The following UPF2 variants were observed in gnomAD, a reference collection of about 807,000 sequenced individuals.
The protein encoded by UPF2 is UPF2 regulator of nonsense mediated mRNA decay.
In UPF2, 17 loss-of-function variants were observed where a neutral mutation model predicts 141.4. The observed-to-expected ratio is 0.12, with a 90% CI of 0.08 to 0.18. The LOEUF is 0.18. Ranked by LOEUF, UPF2 falls within the 10% of genes least tolerant of loss-of-function variation. UPF2 has a pLI of 1.00. For synonymous variants in UPF2, 540 were observed against 498.0 expected, an observed-to-expected ratio of 1.08 and a Z score of -1.12; for missense variants, 1,152 against 1,515.9, an observed-to-expected ratio of 0.76 and a Z score of 3.99.
chr10:11,958,594 A>AAGTGTAG (rs1443366248), intron 12 of UPF2, among the ~76,000 whole-genome samples: 7 of 152,216 alleles, frequency 4.6e-5, no homozygotes, highest in Non-Finnish European at 7.3e-5. Context: ...ATTATATGTC[A>AAGTGTAG]AGTGTAGAGT....
At chr10:11,941,564 TAA>T (rs80026377) in intron 18 of UPF2, among the ~76,000 whole-genome samples, 5 of 146,352 alleles carry the variant, frequency 3.4e-5, no homozygotes, top group African/African-American at 1.0e-4. Flanking sequence ...CTTCTACCTT[TAA>T]AAAAAAAAAC....
intron 9 of UPF2, among the ~76,000 whole-genome samples, chr10:11,970,918 G>T (rs1157713124): frequency 1.3e-5 from 2 of 151,960 alleles, no homozygotes; most frequent in Non-Finnish European, 2.9e-5. Context: ...AATCTCCTTG[G>T]ATGACGTTGG....
At chr10:11,996,260 G>A (rs1833862674) in intron 8 of UPF2, among the ~76,000 whole-genome samples, 1 of 151,804 alleles carries the variant, frequency 6.6e-6, no homozygotes, top group Non-Finnish European at 1.5e-5. Context: ...TTTATATACT[G>A]CAAGTATATA....
chr10:12,029,137 C>T lies in UPF2; in HGVS notation c.753G>A (p.Arg251=). The T allele has an allele frequency of 5.6e-6, 9 of 1,614,232 alleles. No individual in the cohort carries two copies. The highest frequency in any genetic ancestry group is 7.6e-6 in the Non-Finnish European group (9 of 1,180,048). The part of the protein sequence containing the change: ...LQVWKKHFEA[R]KEEKTPNITK... The stretch of plus-strand genomic sequence containing the variant: ...TGATGTTAGGTGTTTTCTCCTCTTT[C>T]CTTGCTTCAAAATGTTTTTTCCAGA... Residue 251 remains arginine, a synonymous_variant, in exon 3 of 22, where the codon AGG becomes AGA. Transcript: ENST00000357604.
chr10:12,041,797 G>A (rs1374236865), intron 1 of UPF2, among the ~76,000 whole-genome samples: 1 of 152,166 alleles, frequency 6.6e-6, no homozygotes, highest in Non-Finnish European at 1.5e-5. Flanking sequence ...GGAGACTGAC[G>A]ATGTTAAGGA....
At chr10:11,967,243 T>C in intron 10 of UPF2, 98 bp downstream of exon 10, 2 of 724,240 alleles carry the variant, frequency 2.8e-6, no homozygotes, top group Non-Finnish European at 4.1e-6. Flanking sequence ...GGTCTTCTTT[T>C]GGATTAATCA....
chr10:12,002,130 G>T (rs1428762974), intron 5 of UPF2, among the ~76,000 whole-genome samples: 1 of 152,070 alleles, frequency 6.6e-6, no homozygotes, highest in Non-Finnish European at 1.5e-5. Flanking sequence ...AATTAACTGG[G>T]CATGGTGGCA....
chr10:11,953,411 T>C lies in UPF2; in HGVS notation c.2851-1162A>G, dbSNP rs573565684. Among the ~76,000 whole-genome samples the C allele has an allele frequency of 1.3e-5, 2 of 152,316 alleles. No homozygotes were observed. The highest frequency in any genetic ancestry group is 2.1e-4 in the South Asian group (1 of 4,826). ...GGATCCTTTCTTCCTGACCTTCTAA[T>C]ACTAAACTGTACACTCCATGTTCTG... On this transcript the variant is annotated intron_variant, in intron 14 of 21. Coordinates refer to ENST00000357604, the MANE Select transcript of UPF2 (RefSeq NM_015542.4). The surrounding 1 kb of genome is among the most constrained non-coding windows in gnomAD (Gnocchi z 5.0).
At chr10:11,934,971 G>A (rs139948681) in intron 19 of UPF2, among the ~76,000 whole-genome samples, 25 of 151,958 alleles carry the variant, frequency 1.6e-4, no homozygotes, top group African/African-American at 5.1e-4. Flanking sequence ...CTTTCATGCT[G>A]TACAAGTATA....
rs1833147685 is a variant in UPF2 at position 11,956,198 on chromosome 10, T to C, written c.2574+122A>G. 5.4e-6 allele frequency: 5 copies of C among 926,104 alleles called. No homozygotes were observed. The highest frequency in any genetic ancestry group is 8.2e-6 in the Non-Finnish European group (5 of 610,060). 57.4% of individuals were successfully genotyped at this position (926,104 alleles called of 1,614,324 possible). A position where few individuals can be genotyped will look rare whatever the true frequency, so the allele number is the denominator to read the frequency against. ...TTTACAGGAAATTCTTATAAAATGA[T>C]TATCAGCTTTTTCTAACTAATAAAT... On this transcript the variant is annotated intron_variant, in intron 13 of 21. Coordinates refer to ENST00000357604, the MANE Select transcript of UPF2 (RefSeq NM_015542.4). This position sits in a 1 kb window ranked among gnomAD's most constrained non-coding sequence, Gnocchi z 4.2.
chr10:12,002,725 TAA>T (rs1564362472), intron 5 of UPF2, among the ~76,000 whole-genome samples: 1 of 151,954 alleles, frequency 6.6e-6, no homozygotes, highest in African/African-American at 2.4e-5. Context: ...ATTGGAAGAA[TAA>T]AAAAGAAGAG....
intron 6 of UPF2, among the ~76,000 whole-genome samples, chr10:12,001,124 G>C (rs911564097): frequency 5.9e-5 from 9 of 152,110 alleles, no homozygotes; most frequent in African/African-American, 2.2e-4. Context: ...TATATTTTAA[G>C]ATATTTAGGG....
At chr10:11,982,908 C>T (rs149337019) in intron 8 of UPF2, among the ~76,000 whole-genome samples, 22 of 152,286 alleles carry the variant, frequency 1.4e-4, no homozygotes, top group African/African-American at 5.3e-4. Context: ...ACATGAGCCA[C>T]TGTGCCCAGG....
At chr10:11,977,907 A>G (rs909508028) in intron 9 of UPF2, among the ~76,000 whole-genome samples, 1 of 152,142 alleles carries the variant, frequency 6.6e-6, no homozygotes, top group Admixed American at 6.6e-5. Context: ...CTTACGTACT[A>G]CTACCTATGA....
chr10:12,010,345 G>C (rs770771180), intron 4 of UPF2, among the ~76,000 whole-genome samples: 1 of 152,090 alleles, frequency 6.6e-6, no homozygotes, highest in Non-Finnish European at 1.5e-5. Context: ...TGTAGACAAG[G>C]ACTTTAAAAC....
Position 11,952,102 on chromosome 10 carries a change from C to G in UPF2, c.2998G>C (p.Val1000Leu). Residue 1000 changes from valine to leucine, a missense_variant, in exon 15 of 22, where the codon GTA becomes CTA. Val to Leu is a conservative substitution (Grantham distance 32, BLOSUM62 1). Around this residue, in one of 4 missense-constraint regions of UPF2, gnomAD observed 202 missense variants for 223.6 expected, o/e 0.90. Transcript: ENST00000357604. ...AAGAATTCTCGTTCCAAGTCTTGTA[C>G]CTGCCTGATGGATTCTTCCAGAGAA... ...CNSLEESIRQ[V>L]QDLEREFLIK... is the part of the protein sequence containing the mutation. 6.2e-7 allele frequency: 1 copy of G among 1,614,020 alleles called. No homozygotes were observed.
In UPF2 at chr10:12,018,088, G is replaced by C. The variant is rs116611660; in HGVS notation, c.1146-3904C>G. The stretch of plus-strand genomic sequence containing the variant: ...ATTTACTGAACTGACTAAATCCACA[G>C]CATGCAGTAAGACAATATACAGACA... On this transcript the variant is annotated intron_variant, in intron 3 of 21. Transcript: ENST00000357604. Among the ~76,000 whole-genome samples the C allele has an allele frequency of 7.2e-3, 1,092 of 152,270 alleles. 15 individuals carry two copies. The highest frequency in any genetic ancestry group is 0.025 in the African/African-American group (1,030 of 41,532).
At chr10:11,984,747 C>G (rs1833658897) in intron 8 of UPF2, among the ~76,000 whole-genome samples, 3 of 151,414 alleles carry the variant, frequency 2.0e-5, no homozygotes, top group Admixed American at 1.3e-4. Context: ...GAGTCTCACT[C>G]TGTTGCCCAG....
chr10:12,011,339 C>T (rs1215048981), intron 4 of UPF2, among the ~76,000 whole-genome samples: 1 of 152,196 alleles, frequency 6.6e-6, no homozygotes, highest in African/African-American at 2.4e-5. Flanking sequence ...TGGCTCATGC[C>T]TGTAATCCCA....
Sources: allele counts gnomAD v4.1 joint callset (sites outside exome capture counted in the v4.1 genomes callset), GRCh38; gene constraint gnomAD v4.1.1; regional missense constraint gnomAD v4.1.1; non-coding constraint Gnocchi (gnomAD v3.1); transcripts MANE v1.5; gene names NCBI Gene and HGNC (gene_info 2026-07-23, HGNC 2026-07-21).